The following FAM168A variants were observed in gnomAD, a reference collection of about 807,000 sequenced individuals.
The protein encoded by FAM168A is protein FAM168A.
FAM168A carries 3 observed loss-of-function variants against 28.5 expected under a neutral mutation model. That is an observed-to-expected ratio of 0.11 (90% CI 0.05 to 0.27). FAM168A has a LOEUF of 0.27. Ranked by LOEUF, FAM168A falls within the 10% of genes least tolerant of loss-of-function variation. The pLI, the probability that FAM168A is intolerant of heterozygous loss-of-function variation, is 1.00. For synonymous variants in FAM168A, 122 were observed against 124.2 expected (o/e 0.98, Z 0.12); for missense variants, 222 against 311.5 (o/e 0.71, Z 2.16).
chr11:73,480,143 G>T (rs1867947851), intron 1 of FAM168A, among the ~76,000 whole-genome samples: 2 of 152,066 alleles, frequency 1.3e-5, no homozygotes, highest in Admixed American at 6.6e-5. Context: ...TGATTTCTAG[G>T]AATCTGCCAG....
intron 1 of FAM168A, among the ~76,000 whole-genome samples, chr11:73,545,027 A>ATATAATATATATATATAATATATATTAT (rs57233496): frequency 5.2e-5 from 4 of 77,466 alleles, no homozygotes; most frequent in Admixed American, 1.6e-4. Flanking sequence ...TAGTATATAT[A>ATATAATATATATATATAATATATATTAT]ATATATATAT....
At chr11:73,560,903 A>C (rs1943950337) in intron 1 of FAM168A, among the ~76,000 whole-genome samples, 1 of 151,988 alleles carries the variant, frequency 6.6e-6, no homozygotes, top group Non-Finnish European at 1.5e-5. Flanking sequence ...TCGACTAAAA[A>C]TACAAAAATT....
In FAM168A at chr11:73,402,419, T is replaced by C. The variant is rs1445403535; in HGVS notation, c.*4344A>G. ...CTTGGTGACCAAGGGGCCTGTCCTT[T>C]TATACTTCATGTGATTCCTTTCTGA... On this transcript the variant is annotated 3_prime_UTR_variant, in exon 8 of 8. Coordinates refer to ENST00000356467, the MANE Select transcript of FAM168A (RefSeq NM_015159.3). The C allele has an allele frequency of 1.3e-5, 2 of 152,182 alleles. No individual in the cohort carries two copies. Among genetic ancestry groups the C allele is most frequent in the Non-Finnish European group, 2.9e-5 (2 of 68,050 alleles). The allele number at this position is 152,182 out of a possible 1,614,324, so 9.4% of individuals were successfully genotyped here. A position where few individuals can be genotyped will look rare whatever the true frequency, so the allele number is the denominator to read the frequency against.
Position 73,405,908 on chromosome 11 carries a change from G to A in FAM168A, c.*855C>T, listed in dbSNP as rs1480255179. On this transcript the variant is annotated 3_prime_UTR_variant, in exon 8 of 8. Transcript: ENST00000356467. ...GGGCATCCGGCCTTCCAAGGCCTCG[G>A]GATGCTGGGATCCTACCACCCTGCA... is the stretch of plus-strand genomic sequence containing the variant. The A allele has an allele frequency of 6.5e-6, 1 of 152,708 alleles. No individual in the cohort carries two copies. The highest frequency in any genetic ancestry group is 1.5e-5 in the Non-Finnish European group (1 of 68,108). The allele number at this position is 152,708 out of a possible 1,614,324, so 9.5% of individuals were successfully genotyped here.
At chr11:73,519,328 C>T (rs1259487359) in intron 1 of FAM168A, among the ~76,000 whole-genome samples, 1 of 152,106 alleles carries the variant, frequency 6.6e-6, no homozygotes, top group Non-Finnish European at 1.5e-5. Flanking sequence ...AGGCTTTCAA[C>T]AAATATTTGT....
chr11:73,419,914 C>G lies in FAM168A; in HGVS notation c.237G>C (p.Gly79=). Residue 79 remains glycine, a synonymous_variant, in exon 4 of 8, where the codon GGG becomes GGC. Transcript: ENST00000356467. The part of the protein sequence containing the change: ...EGTFHLPVDT[G]TENRTYQASS... ...ATGCTTGGTAAGTTCGGTTCTCGGT[C>G]CCGGTGTCCACTGGGAGGTGGAAGG... 6.2e-7 allele frequency: 1 copy of G among 1,614,030 alleles called. No individual in the cohort carries two copies. Among genetic ancestry groups the G allele is most frequent in the Non-Finnish European group, 8.5e-7 (1 of 1,179,970 alleles).
In FAM168A at chr11:73,443,606, T is replaced by C. The variant is rs148242044; in HGVS notation, c.71-12836A>G. On this transcript the variant is annotated intron_variant, in intron 2 of 7. Transcript: ENST00000356467. ...TGTGCTCAGGTCATGTCCCCTTCCC[T>C]ACTGTTGTGGACACTGACAGCAGGT... Among the ~76,000 whole-genome samples the C allele has an allele frequency of 1.6e-4, 25 of 152,178 alleles. 1 individual carries two copies. Among genetic ancestry groups the C allele is most frequent in the Non-Finnish European group, 2.8e-4 (19 of 68,020 alleles).
intron 1 of FAM168A, among the ~76,000 whole-genome samples, chr11:73,486,196 C>A (rs1312102749): frequency 6.6e-6 from 1 of 152,178 alleles, no homozygotes; most frequent in Non-Finnish European, 1.5e-5. Flanking sequence ...TTTGTTGTTA[C>A]AATATACATA....
At chr11:73,588,614 C>A (rs774749459) in intron 1 of FAM168A, among the ~76,000 whole-genome samples, 1 of 152,070 alleles carries the variant, frequency 6.6e-6, no homozygotes, top group Non-Finnish European at 1.5e-5. Context: ...ATTACATGAC[C>A]ACGTGAGCCC....
intron 2 of FAM168A, among the ~76,000 whole-genome samples, chr11:73,437,481 G>A (rs1475184692): frequency 7.3e-6 from 1 of 136,098 alleles, no homozygotes; most frequent in African/African-American, 2.8e-5. Context: ...TCAACTCACT[G>A]TAACCTCTGC....
At position 73,433,059 on chromosome 11, in the gene FAM168A, G is replaced by A. The variant is rs1280941703; in HGVS notation, c.71-2289C>T. Among the ~76,000 whole-genome samples the A allele has an allele frequency of 1.4e-5, 2 of 143,512 alleles. 1 individual carries two copies. The highest frequency in any genetic ancestry group is 4.3e-4 in the South Asian group (2 of 4,602). 94.1% of individuals were successfully genotyped at this position (143,512 alleles called of 152,430 possible). A position where few individuals can be genotyped will look rare whatever the true frequency, so the allele number is the denominator to read the frequency against. ...CCTGAATAGCTAGGCCTACAGGTGC[G>A]TGCCACCACGCCCCGCCTTTTTTTT... On this transcript the variant is annotated intron_variant, in intron 2 of 7. Coordinates refer to ENST00000356467, the MANE Select transcript of FAM168A (RefSeq NM_015159.3).
chr11:73,561,323 C>A (rs918558319), intron 1 of FAM168A, among the ~76,000 whole-genome samples: 1 of 151,794 alleles, frequency 6.6e-6, no homozygotes, highest in Non-Finnish European at 1.5e-5. Context: ...TGCAGTGAGC[C>A]GAGATCACGC....
chr11:73,419,887 G>A lies in FAM168A; in HGVS notation c.264C>T (p.Ser88=), dbSNP rs748887735. 1 of 1,614,034 alleles carries A rather than the reference G, an allele frequency of 6.2e-7. No homozygotes were observed. The highest frequency in any genetic ancestry group is 1.1e-5 in the South Asian group (1 of 91,040). The part of the protein sequence containing the change: ...TGTENRTYQA[S]SAAFRYTAGT... ...GGCTGTATTTACTGAAAGCCGCAGA[G>A]GATGCTTGGTAAGTTCGGTTCTCGG... Residue 88 remains serine, a synonymous_variant, in exon 4 of 8, where the codon TCC becomes TCT. Transcript: ENST00000356467.
chr11:73,537,439 T>C (rs1228745779), intron 1 of FAM168A, among the ~76,000 whole-genome samples: 1 of 152,174 alleles, frequency 6.6e-6, no homozygotes, highest in Non-Finnish European at 1.5e-5. Flanking sequence ...CATGCGCCTA[T>C]AGTCCCAGCT....
intron 1 of FAM168A, among the ~76,000 whole-genome samples, chr11:73,538,341 CAA>C (rs1004831620): frequency 1.5e-5 from 2 of 133,706 alleles, no homozygotes; most frequent in Non-Finnish European, 1.6e-5. Context: ...AAACAAAAAA[CAA>C]AAAAAAAAAA....
At chr11:73,514,717 C>G (rs755008112) in intron 1 of FAM168A, among the ~76,000 whole-genome samples, 1 of 152,068 alleles carries the variant, frequency 6.6e-6, no homozygotes, top group African/African-American at 2.4e-5. Flanking sequence ...CCTGTAGTCC[C>G]AGCTACTCAG....
intron 1 of FAM168A, chr11:73,580,169 G>A (rs538239530): frequency 3.9e-5 from 15 of 381,552 alleles, no homozygotes; most frequent in South Asian, 2.5e-4. Flanking sequence ...AGGTGAGAAC[G>A]ACCCCCAGAC....
At chr11:73,414,162 C>T (rs1866662258) in intron 4 of FAM168A, among the ~76,000 whole-genome samples, 1 of 152,168 alleles carries the variant, frequency 6.6e-6, no homozygotes, top group Non-Finnish European at 1.5e-5. Flanking sequence ...TTTATTCATA[C>T]TATAAACATT....
chr11:73,531,793 C>G (rs1359352940), intron 1 of FAM168A, among the ~76,000 whole-genome samples: 2 of 149,110 alleles, frequency 1.3e-5, no homozygotes, highest in African/African-American at 5.0e-5. Flanking sequence ...AAGCACAGAC[C>G]AAGTATCACT....
Sources: allele counts gnomAD v4.1 joint callset (sites outside exome capture counted in the v4.1 genomes callset), GRCh38; gene constraint gnomAD v4.1.1; transcripts MANE v1.5; gene names NCBI Gene and HGNC (gene_info 2026-07-23, HGNC 2026-07-21).